The following AVL9 variants were observed in gnomAD, a reference collection of about 807,000 sequenced individuals.
The protein encoded by AVL9 is AVL9 cell migration associated, also known as late secretory pathway protein AVL9 homolog.
Under a neutral mutation model 79.2 loss-of-function variants are expected in AVL9, and 49 were observed. The observed-to-expected ratio is 0.62, with a 90% CI of 0.49 to 0.79. The LOEUF is 0.79. AVL9 is among the 30% of genes least tolerant of loss of function. The pLI is 0.00. For synonymous variants in AVL9, 299 were observed against 280.6 expected, an observed-to-expected ratio of 1.07 and a Z score of -0.65; for missense variants, 682 against 776.8, an observed-to-expected ratio of 0.88 and a Z score of 1.45.
Position 32,503,371 on chromosome 7 carries a change from T to TACAC in AVL9, c.93+7570_93+7571insCACA, listed in dbSNP as rs1210453572. 1.1e-3 allele frequency among the ~76,000 whole-genome samples: 111 copies of TACAC among 105,178 alleles called. 1 individual carries two copies. Among genetic ancestry groups the TACAC allele is most frequent in the African/African-American group, 2.8e-3 (79 of 28,050 alleles). 69.0% of individuals were successfully genotyped at this position (105,178 alleles called of 152,430 possible). On this transcript the variant is annotated intron_variant, in intron 1 of 15. Transcript: ENST00000318709. The stretch of plus-strand genomic sequence containing the variant: ...ATATAGATATAGAGAGATATATATA[T>TACAC]ATACACACACACACACACACACACA...
intron 1 of AVL9, among the ~76,000 whole-genome samples, chr7:32,507,633 A>G (rs1042139210): frequency 6.6e-6 from 1 of 152,178 alleles, no homozygotes; most frequent in Non-Finnish European, 1.5e-5. Context: ...ATAAACCACA[A>G]TTTATTTATT....
intron 1 of AVL9, among the ~76,000 whole-genome samples, chr7:32,497,637 A>G (rs912903332): frequency 2.0e-5 from 3 of 149,136 alleles, no homozygotes; most frequent in African/African-American, 4.9e-5. Context: ...GCCGTGGGTC[A>G]TGTTGACCAT....
intron 1 of AVL9, among the ~76,000 whole-genome samples, chr7:32,496,573 A>G (rs1190404617): frequency 6.6e-6 from 1 of 152,254 alleles, no homozygotes; most frequent in African/African-American, 2.4e-5. Flanking sequence ...AACAAAATAG[A>G]AACAGGATTA....
At chr7:32,510,246 A>T (rs796469341) in intron 1 of AVL9, among the ~76,000 whole-genome samples, 1 of 122,596 alleles carries the variant, frequency 8.2e-6, no homozygotes, top group Non-Finnish European at 1.7e-5. Flanking sequence ...CACAGTCCTG[A>T]CACTTCTGAA....
chr7:32,496,195 G>A (rs1306617283), intron 1 of AVL9, among the ~76,000 whole-genome samples: 1 of 152,212 alleles, frequency 6.6e-6, no homozygotes, highest in East Asian at 1.9e-4. Context: ...TCAGTGCTTG[G>A]ACTCTGCTTT....
intron 10 of AVL9, among the ~76,000 whole-genome samples, chr7:32,563,505 C>T (rs761999623): frequency 2.0e-5 from 3 of 149,614 alleles, no homozygotes; most frequent in Non-Finnish European, 3.0e-5. Context: ...GGAGAACCAA[C>T]TGTATTTCTT....
At chr7:32,571,918 C>T (rs971401821) in intron 11 of AVL9, among the ~76,000 whole-genome samples, 3 of 152,146 alleles carry the variant, frequency 2.0e-5, no homozygotes, top group African/African-American at 7.2e-5. Context: ...AATCCCAGCA[C>T]TTTGGGAGGC....
At chr7:32,541,382 A>T (rs1789200771) in intron 1 of AVL9, among the ~76,000 whole-genome samples, 1 of 152,128 alleles carries the variant, frequency 6.6e-6, no homozygotes, top group East Asian at 1.9e-4. Context: ...TTTCAAAAAG[A>T]TTGTTTAGTA....
Position 32,584,914 on chromosome 7 carries a change from C to T in AVL9, c.*1007C>T, listed in dbSNP as rs1160284021. The T allele has an allele frequency of 6.6e-6, 1 of 151,696 alleles. No individual in the cohort carries two copies. Among genetic ancestry groups the T allele is most frequent in the Non-Finnish European group, 1.5e-5 (1 of 68,024 alleles). 9.4% of individuals were successfully genotyped at this position (151,696 alleles called of 1,614,324 possible). ...CCTCCCAAGTAGCTGGGATTATGGA[C>T]ATGCGCCACCATGCCCAGCTAATTA... On this transcript the variant is annotated 3_prime_UTR_variant, in exon 16 of 16. Transcript: ENST00000318709.
At chr7:32,543,886 C>G (rs1789336229) in intron 2 of AVL9, among the ~76,000 whole-genome samples, 1 of 141,514 alleles carries the variant, frequency 7.1e-6, no homozygotes, top group East Asian at 2.1e-4. Flanking sequence ...GTTACTGTTG[C>G]TATTGATTTT....
Position 32,567,958 on chromosome 7 carries a change from G to A in AVL9, c.1216-2062G>A, listed in dbSNP as rs187465694. On this transcript the variant is annotated intron_variant, in intron 10 of 15. Transcript: ENST00000318709. ...TGGTCTCAAACTCCTGAACTCAGAT[G>A]ATCTGCCCTCTTCAGCCTCCCAAAG... is the stretch of plus-strand genomic sequence containing the variant. 6.6e-5 allele frequency among the ~76,000 whole-genome samples: 10 copies of A among 151,906 alleles called. No individual in the cohort carries two copies. In the East Asian group the frequency reaches 1.4e-3, roughly 21 times the overall value.
chr7:32,579,112 T>C (rs1156584652), intron 13 of AVL9, among the ~76,000 whole-genome samples: 1 of 150,800 alleles, frequency 6.6e-6, no homozygotes, highest in Non-Finnish European at 1.5e-5. Context: ...TGAAGAACCA[T>C]TAATTTTATA....
At chr7:32,564,610 A>G (rs17161418) in intron 10 of AVL9, among the ~76,000 whole-genome samples, 19,188 of 152,192 alleles carry the variant, frequency 0.13, 1,727 homozygotes, top group African/African-American at 0.26. Context: ...CAACTTTCTA[A>G]TCCTCTCTCT....
chr7:32,558,804 GT>G, intron 9 of AVL9, 124 bp from the exon 10 acceptor site: 7 of 1,074,892 alleles, frequency 6.5e-6, no homozygotes, highest in Non-Finnish European at 9.1e-6. Context: ...TGTTCTTTTT[GT>G]TTTTAATTAA....
Position 32,588,258 on chromosome 7 carries a change from G to A in AVL9, c.*4351G>A, listed in dbSNP as rs1453743458. On this transcript the variant is annotated 3_prime_UTR_variant, in exon 16 of 16. Transcript: ENST00000318709. ...AAAAGGTAATTGAAGTTTTCAGAAA[G>A]CTTCTGTGCTTAGAAAATATTTTGT... 4 of 152,108 alleles carry A rather than the reference G, an allele frequency of 2.6e-5. No individual in the cohort carries two copies. The highest frequency in any genetic ancestry group is 9.7e-5 in the African/African-American group (4 of 41,432). 9.4% of individuals were successfully genotyped at this position (152,108 alleles called of 1,614,324 possible).
In AVL9 at chr7:32,527,476, C is replaced by A. The variant is rs181179708; in HGVS notation, c.94-15665C>A. Among the ~76,000 whole-genome samples the A allele has an allele frequency of 6.8e-3, 1,040 of 152,112 alleles. 6 individuals are homozygous for A. The highest frequency in any genetic ancestry group is 0.011 in the Non-Finnish European group (740 of 67,978). On this transcript the variant is annotated intron_variant, in intron 1 of 15. Coordinates refer to ENST00000318709, the MANE Select transcript of AVL9 (RefSeq NM_015060.3). ...CAACCGAGACTACAGTAGCTCAGTG[C>A]ATACAAGTTAAAAATAAGTCAGTTT...
intron 10 of AVL9, among the ~76,000 whole-genome samples, chr7:32,565,559 C>A (rs370499947): frequency 3.1e-4 from 44 of 141,038 alleles, no homozygotes; most frequent in South Asian, 6.7e-4. Flanking sequence ...AACTCCGTCT[C>A]AAAAAAAAAA....
intron 1 of AVL9, chr7:32,535,327 A>C (rs6959103): frequency 7.9e-5 from 12 of 151,758 alleles, no homozygotes; most frequent in African/African-American, 2.9e-4. Context: ...CCTCCTGCTA[A>C]AGTTCGACGT....
At chr7:32,552,852 G>T (rs1024193730) in intron 6 of AVL9, among the ~76,000 whole-genome samples, 5 of 152,082 alleles carry the variant, frequency 3.3e-5, no homozygotes, top group African/African-American at 1.2e-4. Flanking sequence ...ATGCTGACCA[G>T]CTTAATTCCC....
Sources: allele counts gnomAD v4.1 joint callset (sites outside exome capture counted in the v4.1 genomes callset), GRCh38; gene constraint gnomAD v4.1.1; transcripts MANE v1.5; gene names NCBI Gene and HGNC (gene_info 2026-07-23, HGNC 2026-07-21).